The following PCDHGB2 variants were observed in gnomAD, a reference collection of about 807,000 sequenced individuals.
The protein encoded by PCDHGB2 is protocadherin gamma subfamily B, 2, also known as protocadherin gamma-B2.
In PCDHGB2, 55 loss-of-function variants were observed where a neutral mutation model predicts 59.3. That is an observed-to-expected ratio of 0.93 (90% CI 0.75 to 1.16). The LOEUF is 1.16. PCDHGB2 is among the 50% of genes most tolerant of loss of function. PCDHGB2 has a pLI of 0.00. For missense variants in PCDHGB2, 1,228 were observed against 1,198.5 expected (o/e 1.02, Z -0.36); for synonymous variants, 516 against 512.0 (o/e 1.01, Z -0.11).
chr5:141,420,080 C>T (rs754438863), intron 1 of PCDHGB2: 2 of 1,614,010 alleles, frequency 1.2e-6, no homozygotes, highest in Non-Finnish European at 1.7e-6. Context: ...TGTGGGTCCC[C>T]CCAACTACAG....
At position 141,490,591 on chromosome 5, in the gene PCDHGB2, G is replaced by A; in HGVS notation, c.2422-4216G>A. 1 of 1,614,100 alleles carries A rather than the reference G, an allele frequency of 6.2e-7. No homozygotes were observed. Among genetic ancestry groups the A allele is most frequent in the African/African-American group, 1.3e-5 (1 of 75,016 alleles). ...CAACATTTCAGATGTCAATGACAAT[G>A]CACCCCGCTTCAACCAGCAGCTTTA... On this transcript the variant is annotated intron_variant, in intron 1 of 3. Coordinates refer to ENST00000522605, the MANE Select transcript of PCDHGB2 (RefSeq NM_018923.3). This position sits in a 1 kb window ranked among gnomAD's most constrained non-coding sequence, Gnocchi z 5.4.
At chr5:141,382,271 A>T (rs1445188092) in intron 1 of PCDHGB2, among the ~76,000 whole-genome samples, 1 of 152,214 alleles carries the variant, frequency 6.6e-6, no homozygotes, top group East Asian at 1.9e-4. Context: ...TCTAGAACAT[A>T]TGTGTTCAAT....
chr5:141,389,286 T>C, intron 1 of PCDHGB2: 1 of 1,614,018 alleles, frequency 6.2e-7, no homozygotes, highest in Non-Finnish European at 8.5e-7. Context: ...GCCTGGAGCC[T>C]CTATTTCACA....
At chr5:141,443,665 AACT>A (rs2154560310) in intron 1 of PCDHGB2, among the ~76,000 whole-genome samples, 1 of 152,358 alleles carries the variant, frequency 6.6e-6, no homozygotes, top group African/African-American at 2.4e-5. Context: ...CATTTTACTG[AACT>A]AGTAGTTTAC....
At chr5:141,442,202 G>A (rs1033563159) in intron 1 of PCDHGB2, 2 of 153,258 alleles carry the variant, frequency 1.3e-5, no homozygotes, top group African/African-American at 4.8e-5. Context: ...TTTATATCTG[G>A]TGATTGCCTT....
In PCDHGB2 at chr5:141,420,282, T is replaced by C. The variant is rs543435018; in HGVS notation, c.2421+57726T>C. 2.1e-5 allele frequency: 31 copies of C among 1,510,188 alleles called. No homozygotes were observed. In the African/African-American group the frequency reaches 4.0e-4, roughly 20 times the overall value. 93.5% of individuals were successfully genotyped at this position (1,510,188 alleles called of 1,614,324 possible). On this transcript the variant is annotated intron_variant, in intron 1 of 3. Coordinates refer to ENST00000522605, the MANE Select transcript of PCDHGB2 (RefSeq NM_018923.3). ...AAGAAGATTCTTAAACAGGTAAGTA[T>C]TTAAAAATGTATTTAATCCTTTTTA...
At chr5:141,393,622 A>G (rs776047060) in intron 1 of PCDHGB2, 2 of 1,613,960 alleles carry the variant, frequency 1.2e-6, no homozygotes, top group Non-Finnish European at 1.7e-6. Flanking sequence ...AGCGACCCGG[A>G]TGAGGGAATC....
chr5:141,394,616 C>A, intron 1 of PCDHGB2: 1 of 1,613,490 alleles, frequency 6.2e-7, no homozygotes, highest in African/African-American at 1.3e-5. Flanking sequence ...CGGGCCAGAA[C>A]GCCTGGCTGT....
At chr5:141,413,056 T>A in intron 1 of PCDHGB2, 1 of 1,030,200 alleles carries the variant, frequency 9.7e-7, no homozygotes, top group East Asian at 2.6e-5. Flanking sequence ...GGAAGCTCAC[T>A]CCAGAATTTA....
In PCDHGB2 at chr5:141,485,354, G is replaced by C; in HGVS notation, c.2422-9453G>C. 7 of 1,614,176 alleles carry C rather than the reference G, an allele frequency of 4.3e-6. No homozygotes were observed. Among genetic ancestry groups the C allele is most frequent in the Non-Finnish European group, 5.1e-6 (6 of 1,180,024 alleles). Reference sequence around the variant, plus strand: ...CCTGCTGGATACGGACAGTCTGTCAGCTCGCAGGCTGCAGGTCGCTGGAGA... The same window carrying C: ...CCTGCTGGATACGGACAGTCTGTCACCTCGCAGGCTGCAGGTCGCTGGAGA... On this transcript the variant is annotated intron_variant, in intron 1 of 3. Transcript: ENST00000522605. This position sits in a 1 kb window ranked among gnomAD's most constrained non-coding sequence, Gnocchi z 5.7.
Position 141,458,007 on chromosome 5 carries a change from C to T in PCDHGB2, c.2422-36800C>T, listed in dbSNP as rs142050242. Among the ~76,000 whole-genome samples the T allele has an allele frequency of 1.3e-3, 200 of 152,274 alleles. 1 individual carries two copies. The East Asian group carries it at 0.032, about 24-fold the overall frequency. ...TCAGTTAAAGCCTTGGCAAAATAAC[C>T]GGTTTTTCCAATTGTGTTCTGTTGA... On this transcript the variant is annotated intron_variant, in intron 1 of 3. Transcript: ENST00000522605.
chr5:141,402,616 A>G (rs974813396), intron 1 of PCDHGB2, among the ~76,000 whole-genome samples: 1 of 152,256 alleles, frequency 6.6e-6, no homozygotes, highest in African/African-American at 2.4e-5. Flanking sequence ...AAATGCAAGA[A>G]ACAATTGGAG....
intron 1 of PCDHGB2, chr5:141,395,555 TGTGTG>T: frequency 9.9e-6 from 1 of 101,256 alleles, no homozygotes; most frequent in Non-Finnish European, 1.7e-5. Context: ...TGTGTGTGTG[TGTGTG>T]TGTGTGTGTG....
chr5:141,438,651 CAT>C (rs2098045358), intron 1 of PCDHGB2, among the ~76,000 whole-genome samples: 1 of 83,744 alleles, frequency 1.2e-5, no homozygotes, highest in East Asian at 3.2e-4. Context: ...CACACACACA[CAT>C]ATATGTATAT....
rs757333940 is a variant in PCDHGB2, at chr5:141,404,777, T to A, written c.2421+42221T>A. The A allele has an allele frequency of 7.4e-6, 12 of 1,613,404 alleles. 1 individual carries two copies. In the South Asian group the frequency reaches 1.3e-4, roughly 18 times the overall value. ...GAATGCTTGGCTCTCCTACCGCCTA[T>A]TCAAGGCCAGTGAGCCAGGGCTCTT... On this transcript the variant is annotated intron_variant, in intron 1 of 3. Transcript: ENST00000522605.
intron 1 of PCDHGB2, among the ~76,000 whole-genome samples, chr5:141,433,408 A>ATCT (rs1413347413): frequency 3.1e-3 from 395 of 127,344 alleles, no homozygotes; most frequent in African/African-American, 0.011. Context: ...TCTATCTATT[A>ATCT]CTTTCTTGTA....
At chr5:141,402,433 A>C (rs1331958085) in intron 1 of PCDHGB2, among the ~76,000 whole-genome samples, 1 of 152,146 alleles carries the variant, frequency 6.6e-6, no homozygotes, top group Non-Finnish European at 1.5e-5. Context: ...GAAGCATCAT[A>C]AAAAGGAAAT....
chr5:141,474,188 T>C (rs1203777014), intron 1 of PCDHGB2, among the ~76,000 whole-genome samples: 1 of 152,216 alleles, frequency 6.6e-6, no homozygotes, highest in Non-Finnish European at 1.5e-5. Context: ...CTACTTACAT[T>C]TTTAAAAGCT....
intron 1 of PCDHGB2, among the ~76,000 whole-genome samples, chr5:141,450,038 A>G (rs2098666630): frequency 8.1e-6 from 1 of 124,190 alleles, no homozygotes; most frequent in African/African-American, 3.3e-5. Context: ...ACAGGGTCTC[A>G]CTCTTTCGCC....
Sources: allele counts gnomAD v4.1 joint callset (sites outside exome capture counted in the v4.1 genomes callset), GRCh38; gene constraint gnomAD v4.1.1; non-coding constraint Gnocchi (gnomAD v3.1); transcripts MANE v1.5; gene names NCBI Gene and HGNC (gene_info 2026-07-23, HGNC 2026-07-21).